Variants in PKD1L1 observed in about 807,000 individuals in gnomAD.
PKD1L1 encodes polycystin-1-like protein 1.
In PKD1L1, 236 loss-of-function variants were observed where a neutral mutation model predicts 323.4. The observed-to-expected ratio is 0.73, with a 90% CI of 0.66 to 0.81. PKD1L1 has a LOEUF of 0.81. PKD1L1 is among the 40% of genes least tolerant of loss of function. The pLI, the probability that PKD1L1 is intolerant of heterozygous loss-of-function variation, is 0.00. For synonymous variants in PKD1L1, 1,344 were observed against 1,335.0 expected (o/e 1.01, Z -0.15); for missense variants, 3,320 against 3,508.0 (o/e 0.95, Z 1.35).
chr7:47,830,745 G>A (rs138437850), intron 42 of PKD1L1, among the ~76,000 whole-genome samples: 3 of 152,328 alleles, frequency 2.0e-5, no homozygotes, highest in East Asian at 3.9e-4. Context: ...CTCCGATGGC[G>A]AGTCCAAGCT....
intron 20 of PKD1L1, 47 bp from the exon 21 acceptor site, chr7:47,880,852 A>C (rs17131899): frequency 1.3e-6 from 2 of 1,500,310 alleles, no homozygotes; most frequent in African/African-American, 2.8e-5. Flanking sequence ...AGTGGTCTCA[A>C]GGACAGAGGT....
At chr7:47,820,365 A>G (rs935383517) in intron 46 of PKD1L1, among the ~76,000 whole-genome samples, 28 of 152,218 alleles carry the variant, frequency 1.8e-4, no homozygotes, top group Admixed American at 1.2e-3. Flanking sequence ...AACATCTACT[A>G]CTTATAGAAA....
At chr7:47,880,591 T>A (rs1436100797) in intron 21 of PKD1L1, 137 bp downstream of exon 21, 15 of 404,416 alleles carry the variant, frequency 3.7e-5, no homozygotes, top group Non-Finnish European at 4.8e-5. Context: ...CCTATATATA[T>A]GTAATTTTTT....
the PKD1L1 span, among the ~76,000 whole-genome samples, chr7:47,959,726 G>A: frequency 2.1e-5 from 3 of 139,870 alleles, no homozygotes; most frequent in Non-Finnish European, 3.2e-5. Flanking sequence ...CCAGCCAGCC[G>A]CCCCGTCCGG....
chr7:47,804,935 G>T (rs138161705), intron 52 of PKD1L1, among the ~76,000 whole-genome samples: 3 of 152,290 alleles, frequency 2.0e-5, no homozygotes, highest in African/African-American at 7.2e-5. Context: ...ACCTCCTGTG[G>T]ACAGAGTGGA....
rs140078937 is a variant in PKD1L1 at position 47,876,710 on chromosome 7, G to A, written c.3664-493C>T. Among the ~76,000 whole-genome samples the A allele has an allele frequency of 2.7e-3, 412 of 152,286 alleles. 2 individuals are homozygous for A. Among genetic ancestry groups the A allele is most frequent in the African/African-American group, 9.4e-3 (390 of 41,566 alleles). On this transcript the variant is annotated intron_variant, in intron 22 of 56. Transcript: ENST00000289672. ...GGTCAGTGTCCTGGCTGAGAGGATG[G>A]AGAGGGCAGTGCCAGGGTCACAATA...
intron 56 of PKD1L1, among the ~76,000 whole-genome samples, chr7:47,791,390 G>T (rs933486585): frequency 5.4e-5 from 8 of 148,842 alleles, no homozygotes; most frequent in Non-Finnish European, 1.0e-4. Context: ...CCTCAACTCT[G>T]TTAATTCACT....
At chr7:47,954,906 A>G in the PKD1L1 span, among the ~76,000 whole-genome samples, 474 of 152,264 alleles carry the variant, frequency 3.1e-3, 2 homozygotes, top group Non-Finnish European at 4.9e-3. Context: ...TATGCTGGTT[A>G]TGGTTGTAAG....
At chr7:47,785,725 G>A (rs1786790303) in intron 56 of PKD1L1, among the ~76,000 whole-genome samples, 1 of 151,292 alleles carries the variant, frequency 6.6e-6, no homozygotes, top group Admixed American at 6.6e-5. Flanking sequence ...GCATGTTCAG[G>A]CCGAGTTGAT....
intron 56 of PKD1L1, among the ~76,000 whole-genome samples, chr7:47,778,729 A>T (rs1247778227): frequency 2.0e-5 from 3 of 152,216 alleles, no homozygotes; most frequent in Non-Finnish European, 2.9e-5. Context: ...TGAGTTTCTT[A>T]GTCTCATAAG....
At chr7:47,782,045 C>T (rs1030962541) in intron 56 of PKD1L1, among the ~76,000 whole-genome samples, 1 of 152,138 alleles carries the variant, frequency 6.6e-6, no homozygotes, top group Non-Finnish European at 1.5e-5. Context: ...GTCTCTTCCC[C>T]TCTGTCAGGA....
At chr7:47,805,481 G>A (rs563530829) in intron 52 of PKD1L1, among the ~76,000 whole-genome samples, 2 of 152,362 alleles carry the variant, frequency 1.3e-5, no homozygotes, top group South Asian at 4.1e-4. Flanking sequence ...GAATTAGGAG[G>A]GAAAGCCGTA....
At position 47,830,066 on chromosome 7, in the gene PKD1L1, A is replaced by G; in HGVS notation, c.6532T>C (p.Cys2178Arg). The change falls in exon 43 of 57, where the codon TGT becomes CGT. Residue 2178 changes from cysteine to arginine, a missense_variant. Coordinates refer to ENST00000289672, the MANE Select transcript of PKD1L1 (RefSeq NM_138295.5). Reference sequence around the variant, plus strand: ...ATAAGTGGCTGGGTGATGAAAATACAGCAGACCACGGAGAGGGACAGCAGG... The same window carrying G: ...ATAAGTGGCTGGGTGATGAAAATACGGCAGACCACGGAGAGGGACAGCAGG... ...LHLLSLSVVC[C>R]IFITQPLMVC... The G allele has an allele frequency of 6.2e-7, 1 of 1,614,188 alleles. No individual in the cohort carries two copies. The highest frequency in any genetic ancestry group is 8.5e-7 in the Non-Finnish European group (1 of 1,180,040).
At position 47,805,624 on chromosome 7, in the gene PKD1L1, G is replaced by A. The variant is rs528332439; in HGVS notation, c.7828-2280C>T. On this transcript the variant is annotated intron_variant, in intron 52 of 56. Transcript: ENST00000289672. ...CAGCAACACAGCAACAGAGCTGAAT[G>A]GTGTGAGATACAGGTTCCTGCCTTG... 2.0e-5 allele frequency among the ~76,000 whole-genome samples: 3 copies of A among 152,362 alleles called. No homozygotes were observed. The South Asian group carries it at 6.2e-4, about 32-fold the overall frequency.
intron 25 of PKD1L1, among the ~76,000 whole-genome samples, chr7:47,865,817 G>A (rs1247344402): frequency 6.6e-6 from 1 of 150,452 alleles, no homozygotes; most frequent in East Asian, 2.0e-4. Context: ...GGATGGTCAC[G>A]ATCTCCTGAC....
intron 56 of PKD1L1, among the ~76,000 whole-genome samples, chr7:47,789,166 T>C (rs554195558): frequency 6.6e-6 from 1 of 152,318 alleles, no homozygotes; most frequent in East Asian, 1.9e-4. Context: ...TGAAGGTCGT[T>C]CTGGACTTAC....
At chr7:47,871,498 C>A (rs1786279310) in intron 24 of PKD1L1, among the ~76,000 whole-genome samples, 4 of 152,268 alleles carry the variant, frequency 2.6e-5, no homozygotes, top group Middle Eastern at 6.8e-3. Flanking sequence ...TTCCCTCCAG[C>A]CATTTTATAA....
intron 25 of PKD1L1, among the ~76,000 whole-genome samples, chr7:47,865,831 G>A (rs150449090): frequency 0.013 from 2,037 of 151,062 alleles, 39 homozygotes; most frequent in African/African-American, 0.046. Context: ...TCCTGACCTC[G>A]TGATCTGCCT....
intron 1 of PKD1L1, 44 bp downstream of exon 1, chr7:47,948,353 T>C (rs1445188802): frequency 2.6e-5 from 42 of 1,610,638 alleles, no homozygotes; most frequent in Non-Finnish European, 3.4e-5. Context: ...ATGCATACTT[T>C]AAAATCAAGC....
Sources: allele counts gnomAD v4.1 joint callset (sites outside exome capture counted in the v4.1 genomes callset), GRCh38; gene constraint gnomAD v4.1.1; transcripts MANE v1.5; gene names NCBI Gene and HGNC (gene_info 2026-07-23, HGNC 2026-07-21).